The following DYNC2H1 variants were observed in gnomAD, a reference collection of about 807,000 sequenced individuals.
DYNC2H1 encodes the protein cytoplasmic dynein 2 heavy chain 1.
In DYNC2H1, 410 loss-of-function variants were observed where a neutral mutation model predicts 570.0. The observed-to-expected ratio is 0.72, with a 90% CI of 0.66 to 0.78. The LOEUF (loss-of-function observed/expected upper bound fraction) is 0.78, where lower values mean the gene tolerates loss of function less well. DYNC2H1 is among the 30% of genes least tolerant of loss of function. The pLI is 0.00. For synonymous variants in DYNC2H1, 1,688 were observed against 1,677.6 expected (o/e 1.01, Z -0.15); for missense variants, 4,865 against 5,046.4 (o/e 0.96, Z 1.09).
At chr11:103,222,562 T>C (rs76704079) in intron 58 of DYNC2H1, among the ~76,000 whole-genome samples, 13,461 of 152,220 alleles carry the variant, frequency 0.088, 777 homozygotes, top group Non-Finnish European at 0.12. Flanking sequence ...ATCAAAATGT[T>C]ATGTACATCT....
intron 55 of DYNC2H1, among the ~76,000 whole-genome samples, chr11:103,219,454 C>A (rs687179): frequency 0.93 from 141,727 of 152,016 alleles, 66,098 homozygotes; most frequent in African/African-American, 0.94. Flanking sequence ...TCTACTAAAA[C>A]TATAAAAATT....
intron 84 of DYNC2H1, 123 bp downstream of exon 84, chr11:103,399,995 C>A: frequency 1.3e-6 from 1 of 782,134 alleles, no homozygotes; most frequent in Non-Finnish European, 2.0e-6. Context: ...TGGCTTAAGC[C>A]ATATAAAAAT....
intron 82 of DYNC2H1, among the ~76,000 whole-genome samples, chr11:103,353,846 A>G (rs1321222901): frequency 6.6e-6 from 1 of 152,074 alleles, no homozygotes; most frequent in Non-Finnish European, 1.5e-5. Context: ...CAATTACTGA[A>G]ATTATTGATT....
Position 103,151,994 on chromosome 11 carries a change from T to C in DYNC2H1, c.2947-142T>C. 1.1e-6 allele frequency: 1 copy of C among 942,170 alleles called. No individual in the cohort carries two copies. The highest frequency in any genetic ancestry group is 2.8e-5 in the East Asian group (1 of 35,910). The allele number at this position is 942,170 out of a possible 1,614,324, so 58.4% of individuals were successfully genotyped here. A position where few individuals can be genotyped will look rare whatever the true frequency, so the allele number is the denominator to read the frequency against. On this transcript the variant is annotated intron_variant, in intron 20 of 88. Coordinates refer to ENST00000375735, the MANE Select transcript of DYNC2H1 (RefSeq NM_001377.3). The surrounding 1 kb of genome is among the most constrained non-coding windows in gnomAD (Gnocchi z 4.6). Reference sequence around the variant, plus strand: ...TTTTTTTCTGCCAAATCAGAATATATAGGAATTTAACAAACTGTTTAAATG... The same window carrying C: ...TTTTTTTCTGCCAAATCAGAATATACAGGAATTTAACAAACTGTTTAAATG...
intron 88 of DYNC2H1, among the ~76,000 whole-genome samples, chr11:103,471,671 C>G (rs911258856): frequency 2.0e-5 from 3 of 152,150 alleles, no homozygotes; most frequent in African/African-American, 7.2e-5. Flanking sequence ...TTTTAGTTTA[C>G]CAGTACTTTC....
chr11:103,280,201 C>A lies in DYNC2H1; in HGVS notation c.10696-147C>A. 5.4e-6 allele frequency: 4 copies of A among 734,564 alleles called. No individual in the cohort carries two copies. Among genetic ancestry groups the A allele is most frequent in the Non-Finnish European group, 8.9e-6 (4 of 450,916 alleles). 45.5% of individuals were successfully genotyped at this position (734,564 alleles called of 1,614,324 possible). ...TGAAGTGTCTCTAAGATGTAGAAAG[C>A]AATCTGAATAGTAATTTCTTACATC... On this transcript the variant is annotated intron_variant, in intron 70 of 88. Transcript: ENST00000375735. This position sits in a 1 kb window ranked among gnomAD's most constrained non-coding sequence, Gnocchi z 4.7.
intron 70 of DYNC2H1, among the ~76,000 whole-genome samples, chr11:103,276,700 A>G (rs1865921660): frequency 6.6e-6 from 1 of 152,044 alleles, no homozygotes; most frequent in South Asian, 2.1e-4. Flanking sequence ...TCCTCCTTCT[A>G]CAAAATGGAT....
At chr11:103,434,755 GCTCA>G (rs1944004309) in intron 84 of DYNC2H1, among the ~76,000 whole-genome samples, 3 of 152,092 alleles carry the variant, frequency 2.0e-5, no homozygotes, top group Non-Finnish European at 4.4e-5. Flanking sequence ...CCTTCACACA[GCTCA>G]CTCATGGTTA....
Position 103,211,891 on chromosome 11 carries a change from C to T in DYNC2H1, c.8642C>T (p.Ala2881Val). 6.5e-7 allele frequency: 1 copy of T among 1,532,676 alleles called. No individual in the cohort carries two copies. The highest frequency in any genetic ancestry group is 8.8e-7 in the Non-Finnish European group (1 of 1,136,256). The allele number at this position is 1,532,676 out of a possible 1,614,324, so 94.9% of individuals were successfully genotyped here. ...ATGACCTTTTTACATGTGTATTCTG[C>T]CATTAGTAGTAGCAAGAAAAAGGAA... ...RYMTFLHVYS[A>V]ISSSKKKELL... is the part of the protein sequence containing the mutation. Residue 2881 changes from alanine (A) to valine (V), a missense_variant, in exon 54 of 89, where the codon GCC (alanine) becomes GTC (valine). By Grantham distance (64) the Ala-to-Val change is moderately conservative. Transcript: ENST00000375735.
At chr11:103,448,573 C>T (rs1244657416) in intron 85 of DYNC2H1, among the ~76,000 whole-genome samples, 1 of 152,098 alleles carries the variant, frequency 6.6e-6, no homozygotes, top group African/African-American at 2.4e-5. Context: ...TGTTATCCAG[C>T]CTACAAGGGA....
At chr11:103,474,811 G>A (rs1027348515) in intron 88 of DYNC2H1, among the ~76,000 whole-genome samples, 5 of 152,076 alleles carry the variant, frequency 3.3e-5, no homozygotes, top group African/African-American at 7.2e-5. Context: ...GGCACCATCC[G>A]CAGTCTCAGG....
intron 28 of DYNC2H1, among the ~76,000 whole-genome samples, chr11:103,159,534 G>A (rs1860990755): frequency 6.6e-6 from 1 of 152,028 alleles, no homozygotes; most frequent in Non-Finnish European, 1.5e-5. Context: ...ATAATAGTAA[G>A]CTATGGGAAC....
chr11:103,445,728 T>G (rs1270027395), intron 85 of DYNC2H1, among the ~76,000 whole-genome samples: 1 of 152,162 alleles, frequency 6.6e-6, no homozygotes, highest in Non-Finnish European at 1.5e-5. Context: ...CTCAGCTCAT[T>G]GCAAGCTCTG....
chr11:103,119,899 T>G (rs1235974671), intron 6 of DYNC2H1, among the ~76,000 whole-genome samples: 1 of 152,222 alleles, frequency 6.6e-6, no homozygotes, highest in Non-Finnish European at 1.5e-5. Flanking sequence ...TACTGAGATT[T>G]ACAACTCAAA....
intron 47 of DYNC2H1, among the ~76,000 whole-genome samples, chr11:103,196,327 T>C (rs1198244910): frequency 6.6e-6 from 1 of 152,164 alleles, no homozygotes; most frequent in Non-Finnish European, 1.5e-5. Flanking sequence ...TTGCAATCTT[T>C]CTTCATGTCT....
chr11:103,325,575 CT>C lies in DYNC2H1; in HGVS notation c.12039+1586del, dbSNP rs1223333717. On this transcript the variant is annotated intron_variant, in intron 82 of 88. Transcript: ENST00000375735. This position sits in a 1 kb window ranked among gnomAD's most constrained non-coding sequence, Gnocchi z 4.8. The stretch of plus-strand genomic sequence containing the variant: ...TATTCTGTTCTGTTGGTTTATGTGT[CT>C]GTTTCCATAGTTCTCTTTGTGGAGA... Among the ~76,000 whole-genome samples the C allele has an allele frequency of 6.6e-6, 1 of 152,170 alleles. No individual in the cohort carries two copies. Among genetic ancestry groups the C allele is most frequent in the Non-Finnish European group, 1.5e-5 (1 of 68,040 alleles).
At chr11:103,191,951 T>C in intron 46 of DYNC2H1, 146 bp from the exon 47 acceptor site, 1 of 569,328 alleles carries the variant, frequency 1.8e-6, no homozygotes, top group Non-Finnish European at 2.7e-6. Flanking sequence ...ATTAACAAAA[T>C]GAATTTTAAC....
At position 103,145,372 on chromosome 11, in the gene DYNC2H1, A is replaced by C. The variant is rs1359051888; in HGVS notation, c.2702+1977A>C. Among the ~76,000 whole-genome samples the C allele has an allele frequency of 6.6e-6, 1 of 152,176 alleles. No homozygotes were observed. The highest frequency in any genetic ancestry group is 1.5e-5 in the Non-Finnish European group (1 of 68,028). ...TATTAGTTTAAAGTAAGGAAAAGAT[A>C]GTGCTTTTGTAGTGCTTGCACATGG... On this transcript the variant is annotated intron_variant, in intron 18 of 88. Coordinates refer to ENST00000375735, the MANE Select transcript of DYNC2H1 (RefSeq NM_001377.3). The surrounding 1 kb of genome is among the most constrained non-coding windows in gnomAD (Gnocchi z 4.2).
chr11:103,221,394 G>A (rs1430467346), intron 57 of DYNC2H1, among the ~76,000 whole-genome samples: 7 of 152,146 alleles, frequency 4.6e-5, no homozygotes, highest in Admixed American at 3.9e-4. Flanking sequence ...AGCACTTTAA[G>A]TTACCTTAAA....
Sources: allele counts gnomAD v4.1 joint callset (sites outside exome capture counted in the v4.1 genomes callset), GRCh38; gene constraint gnomAD v4.1.1; non-coding constraint Gnocchi (gnomAD v3.1); transcripts MANE v1.5; gene names NCBI Gene and HGNC (gene_info 2026-07-23, HGNC 2026-07-21).